Variants in ZFHX3 observed in about 807,000 individuals in gnomAD.
ZFHX3 encodes zinc finger homeobox 3.
ZFHX3 carries 42 observed loss-of-function variants against 279.1 expected under a neutral mutation model. The ratio of observed to expected loss-of-function variants is 0.15; its 90% confidence interval spans 0.12 to 0.19. ZFHX3 has a LOEUF of 0.19. ZFHX3 is among the 10% of genes least tolerant of loss of function. The pLI, the probability that ZFHX3 is intolerant of heterozygous loss-of-function variation, is 1.00. For missense variants in ZFHX3, 4,981 were observed against 4,754.0 expected (o/e 1.05, Z -1.40); for synonymous variants, 2,293 against 1,957.8 (o/e 1.17, Z -4.52).
intron 8 of ZFHX3, among the ~76,000 whole-genome samples, chr16:72,799,387 G>T (rs547433633): frequency 6.6e-6 from 1 of 152,218 alleles, no homozygotes; most frequent in Non-Finnish European, 1.5e-5. Flanking sequence ...CAGGTCATTT[G>T]TCCATTGTCT....
At chr16:73,336,163 C>A (rs1216046462) in intron 3 of ZFHX3, among the ~76,000 whole-genome samples, 1 of 152,168 alleles carries the variant, frequency 6.6e-6, no homozygotes, top group Non-Finnish European at 1.5e-5. Context: ...GGGAACTAAC[C>A]CTATTATTAA....
At chr16:72,892,323 G>C (rs957132669) in intron 3 of ZFHX3, among the ~76,000 whole-genome samples, 1 of 152,238 alleles carries the variant, frequency 6.6e-6, no homozygotes, top group African/African-American at 2.4e-5. Context: ...AATCCCTTCT[G>C]CCCCCAAAAT....
At chr16:72,920,216 A>G (rs552063893) in intron 3 of ZFHX3, among the ~76,000 whole-genome samples, 1 of 152,326 alleles carries the variant, frequency 6.6e-6, no homozygotes, top group Admixed American at 6.5e-5. Context: ...AATGTTGTGA[A>G]GAAGAGCATC....
intron 4 of ZFHX3, among the ~76,000 whole-genome samples, chr16:72,838,004 G>A (rs181454660): frequency 3.9e-5 from 6 of 152,286 alleles, no homozygotes; most frequent in Admixed American, 2.6e-4. Context: ...GGGCCACAGC[G>A]CCTGGAGTTT....
chr16:73,066,906 T>A (rs1028953393), intron 8 of ZFHX3, among the ~76,000 whole-genome samples: 2 of 151,972 alleles, frequency 1.3e-5, no homozygotes, highest in African/African-American at 4.8e-5. Flanking sequence ...GTGAGAGCAC[T>A]GAGATGGGGA....
chr16:73,347,538 G>A (rs1027498378), intron 3 of ZFHX3, among the ~76,000 whole-genome samples: 1 of 152,260 alleles, frequency 6.6e-6, no homozygotes, highest in African/African-American at 2.4e-5. Context: ...GCAACCAGGA[G>A]CAGGGAGGCT....
At chr16:73,344,720 G>A (rs1567456222) in intron 3 of ZFHX3, among the ~76,000 whole-genome samples, 1 of 152,126 alleles carries the variant, frequency 6.6e-6, no homozygotes, top group Non-Finnish European at 1.5e-5. Flanking sequence ...GAGACAGACA[G>A]ACTGACAGGG....
At chr16:73,264,039 C>T (rs1244966606) in intron 4 of ZFHX3, among the ~76,000 whole-genome samples, 5 of 152,088 alleles carry the variant, frequency 3.3e-5, no homozygotes, top group African/African-American at 1.2e-4. Context: ...TGGTGGCAGA[C>T]GCCTGTGGTC....
chr16:73,127,077 G>A (rs1044057884), intron 7 of ZFHX3: 18 of 270,748 alleles, frequency 6.6e-5, no homozygotes, highest in Non-Finnish European at 2.9e-5. Flanking sequence ...AAGAGACGGG[G>A]TGCAGGGCCT....
chr16:73,082,132 C>A (rs1965954736), intron 8 of ZFHX3, among the ~76,000 whole-genome samples: 1 of 152,098 alleles, frequency 6.6e-6, no homozygotes, highest in Non-Finnish European at 1.5e-5. Context: ...CCACCGCATC[C>A]AGCCCTCGTC....
At chr16:73,404,263 A>T (rs1427127521) in intron 3 of ZFHX3, among the ~76,000 whole-genome samples, 1 of 152,182 alleles carries the variant, frequency 6.6e-6, no homozygotes, top group East Asian at 1.9e-4. Context: ...GATCCCCTTA[A>T]GGCACAGAAG....
chr16:73,842,230 AAGAC>A (rs1290884093), intron 1 of ZFHX3, among the ~76,000 whole-genome samples: 10 of 152,166 alleles, frequency 6.6e-5, no homozygotes, highest in African/African-American at 1.2e-4. Context: ...AAAAAAAAGA[AAGAC>A]AGAAAGAAAA....
chr16:73,807,117 C>T (rs1743201874), intron 1 of ZFHX3, among the ~76,000 whole-genome samples: 1 of 152,170 alleles, frequency 6.6e-6, no homozygotes, highest in South Asian at 2.1e-4. Flanking sequence ...TGGCCACATC[C>T]AGCTGGAGCA....
At chr16:72,937,103 G>C (rs1183437155) in intron 3 of ZFHX3, among the ~76,000 whole-genome samples, 1 of 152,166 alleles carries the variant, frequency 6.6e-6, no homozygotes, top group Non-Finnish European at 1.5e-5. Flanking sequence ...TCTGGTCACA[G>C]AGTCCTTTCT....
chr16:73,519,902 A>G (rs888765391), intron 2 of ZFHX3, among the ~76,000 whole-genome samples: 2 of 152,236 alleles, frequency 1.3e-5, no homozygotes, highest in Non-Finnish European at 2.9e-5. Context: ...AAAAGTTTCT[A>G]GGAAATGAAG....
At chr16:73,566,358 A>C (rs1391072049) in intron 2 of ZFHX3, among the ~76,000 whole-genome samples, 1 of 152,202 alleles carries the variant, frequency 6.6e-6, no homozygotes, top group Non-Finnish European at 1.5e-5. Flanking sequence ...AAATTCCCAC[A>C]AACTCAGTGG....
At chr16:73,207,486 T>C (rs1019619428) in intron 5 of ZFHX3, among the ~76,000 whole-genome samples, 6 of 152,106 alleles carry the variant, frequency 3.9e-5, no homozygotes, top group Admixed American at 1.3e-4. Context: ...GGTTAGTAAA[T>C]AGGTAATAAT....
intron 1 of ZFHX3, among the ~76,000 whole-genome samples, chr16:73,046,909 G>A: frequency 8.1e-6 from 1 of 124,018 alleles, no homozygotes; most frequent in Non-Finnish European, 1.7e-5. Context: ...GTGGGGGGAG[G>A]GATGACCCTC....
chr16:73,674,526 C>T (rs2052934622), intron 2 of ZFHX3, among the ~76,000 whole-genome samples: 1 of 152,208 alleles, frequency 6.6e-6, no homozygotes, highest in South Asian at 2.1e-4. Flanking sequence ...CTTTGGTTTT[C>T]AGAGTCCCTA....
Sources: allele counts gnomAD v4.1 joint callset (sites outside exome capture counted in the v4.1 genomes callset), GRCh38; gene constraint gnomAD v4.1.1; transcripts MANE v1.5; gene names NCBI Gene and HGNC (gene_info 2026-07-23, HGNC 2026-07-21).